The following PALLD variants were observed in gnomAD, a reference collection of about 807,000 sequenced individuals.
PALLD encodes the protein palladin.
PALLD carries 61 observed loss-of-function variants against 123.5 expected under a neutral mutation model. The ratio of observed to expected loss-of-function variants is 0.49; its 90% CI spans 0.40 to 0.61. PALLD has a LOEUF of 0.61. Ranked by LOEUF, PALLD falls within the 20% of genes least tolerant of loss-of-function variation. The probability of loss-of-function intolerance (pLI) is 0.00; values close to 1 mark genes in which losing one functional copy is unlikely to be tolerated. For missense variants in PALLD, 1,273 were observed against 1,377.0 expected, an observed-to-expected ratio of 0.92 and a Z score of 1.20; for synonymous variants, 465 against 496.4, an observed-to-expected ratio of 0.94 and a Z score of 0.84.
At chr4:168,705,890 G>A (rs1386719998) in intron 8 of PALLD, among the ~76,000 whole-genome samples, 1 of 152,160 alleles carries the variant, frequency 6.6e-6, no homozygotes, top group East Asian at 1.9e-4. Context: ...TGATCCGCCT[G>A]CCTCGGCCTC....
intron 2 of PALLD, among the ~76,000 whole-genome samples, chr4:168,643,637 AGT>A (rs1357410362): frequency 2.5e-5 from 3 of 118,338 alleles, no homozygotes; most frequent in Non-Finnish European, 6.1e-5. Context: ...GCTGGTTAAG[AGT>A]GTCTGAAGCA....
intron 10 of PALLD, among the ~76,000 whole-genome samples, chr4:168,751,658 G>T (rs1464828188): frequency 6.6e-6 from 1 of 152,200 alleles, no homozygotes; most frequent in Non-Finnish European, 1.5e-5. Context: ...CCAGGGCACG[G>T]ACTCCACAGT....
chr4:168,661,734 TA>T (rs1779155871), intron 2 of PALLD, among the ~76,000 whole-genome samples: 2 of 152,344 alleles, frequency 1.3e-5, no homozygotes, highest in South Asian at 4.1e-4. Context: ...AACATGTGTC[TA>T]TCCATAGATA....
chr4:168,883,948 C>CAAA (rs35084179), intron 10 of PALLD, among the ~76,000 whole-genome samples: 1 of 142,474 alleles, frequency 7.0e-6, no homozygotes, highest in African/African-American at 2.6e-5. Flanking sequence ...TGCAAACCAT[C>CAAA]AAAAAAAAAA....
At chr4:168,834,331 G>A (rs1744794244) in intron 10 of PALLD, among the ~76,000 whole-genome samples, 1 of 152,122 alleles carries the variant, frequency 6.6e-6, no homozygotes, top group Non-Finnish European at 1.5e-5. Context: ...TCCCAGGTGA[G>A]GACCACTGAC....
At chr4:168,555,861 A>G (rs1767228721) in intron 2 of PALLD, among the ~76,000 whole-genome samples, 1 of 152,248 alleles carries the variant, frequency 6.6e-6, no homozygotes, top group South Asian at 2.1e-4. Flanking sequence ...ATAGTTGTTA[A>G]GACCTAGGGA....
At chr4:168,860,088 AT>A (rs966271540) in intron 10 of PALLD, among the ~76,000 whole-genome samples, 2 of 152,164 alleles carry the variant, frequency 1.3e-5, no homozygotes, top group African/African-American at 4.8e-5. Flanking sequence ...GGTCTGGAGG[AT>A]GTGAAATCGG....
intron 5 of PALLD, among the ~76,000 whole-genome samples, chr4:168,683,740 C>G (rs768573118): frequency 1.7e-4 from 26 of 152,022 alleles, no homozygotes; most frequent in Non-Finnish European, 3.7e-4. Flanking sequence ...TGAATATGTT[C>G]AAAGACAACA....
At chr4:168,787,045 A>G (rs1039616826) in intron 10 of PALLD, among the ~76,000 whole-genome samples, 5 of 152,182 alleles carry the variant, frequency 3.3e-5, no homozygotes, top group Non-Finnish European at 7.3e-5. Flanking sequence ...CTGTCCAGCT[A>G]TTATGTATAT....
intron 10 of PALLD, among the ~76,000 whole-genome samples, chr4:168,846,431 T>G (rs1746855101): frequency 6.6e-6 from 1 of 152,202 alleles, no homozygotes; most frequent in African/African-American, 2.4e-5. Flanking sequence ...AACAAAGAGT[T>G]CCTTTTATAA....
At chr4:168,616,195 C>G (rs925813193) in intron 2 of PALLD, among the ~76,000 whole-genome samples, 1 of 152,144 alleles carries the variant, frequency 6.6e-6, no homozygotes, top group African/African-American at 2.4e-5. Flanking sequence ...CTCTTTAACT[C>G]TAACTTGTTT....
At chr4:168,598,637 A>T in intron 2 of PALLD, 1 of 322,250 alleles carries the variant, frequency 3.1e-6, no homozygotes, top group Non-Finnish European at 6.3e-6. Flanking sequence ...ATTCACAGCC[A>T]GTTTAGTTAC....
At chr4:168,794,211 C>T (rs183059077) in intron 10 of PALLD, among the ~76,000 whole-genome samples, 2 of 152,306 alleles carry the variant, frequency 1.3e-5, no homozygotes, top group African/African-American at 2.4e-5. Context: ...AGGCTCCTTC[C>T]AGGCCCACCT....
chr4:168,907,755 A>G (rs895440452), intron 15 of PALLD, among the ~76,000 whole-genome samples: 2 of 152,194 alleles, frequency 1.3e-5, no homozygotes, highest in African/African-American at 2.4e-5. Context: ...GAAGTGGACC[A>G]AGAACAGCCC....
intron 2 of PALLD, among the ~76,000 whole-genome samples, chr4:168,596,584 C>G (rs1451257295): frequency 6.6e-6 from 1 of 152,024 alleles, no homozygotes; most frequent in Non-Finnish European, 1.5e-5. Flanking sequence ...AACAGAGGCC[C>G]TTCCCATGGA....
At chr4:168,896,512 A>G in intron 12 of PALLD, 37 bp from the exon 13 acceptor site, 1 of 1,197,710 alleles carries the variant, frequency 8.3e-7, no homozygotes, top group Non-Finnish European at 1.2e-6. Context: ...TATTATTTCT[A>G]TTATTAGTCT....
At chr4:168,631,533 C>A (rs529676940) in intron 2 of PALLD, 2 of 827,602 alleles carry the variant, frequency 2.4e-6, no homozygotes, top group Admixed American at 6.2e-5. Context: ...GCATTCCTCC[C>A]CAGGACACAC....
intron 1 of PALLD, among the ~76,000 whole-genome samples, chr4:168,503,184 A>C (rs1327655763): frequency 1.3e-5 from 2 of 152,238 alleles, no homozygotes; most frequent in Non-Finnish European, 2.9e-5. Flanking sequence ...TGAATGAGGA[A>C]AGCATTCTCT....
intron 10 of PALLD, among the ~76,000 whole-genome samples, chr4:168,788,365 C>G (rs1737047477): frequency 6.6e-6 from 1 of 152,036 alleles, no homozygotes; most frequent in Admixed American, 6.6e-5. Flanking sequence ...TAATGTGAAG[C>G]CAATCTGGAA....
Sources: allele counts gnomAD v4.1 joint callset (sites outside exome capture counted in the v4.1 genomes callset), GRCh38; gene constraint gnomAD v4.1.1; transcripts MANE v1.5; gene names NCBI Gene and HGNC (gene_info 2026-07-23, HGNC 2026-07-21).